Variants in AFG1L observed in about 807,000 individuals in gnomAD.
AFG1L encodes the protein AFG1 like ATPase, also known as AFG1-like ATPase.
In AFG1L, 53 loss-of-function variants were observed where a neutral mutation model predicts 62.2. That is an observed-to-expected ratio of 0.85 (90% confidence interval 0.68 to 1.07). The LOEUF is 1.07. Among genes scored for constraint, AFG1L ranks in the 50% least tolerant of loss-of-function variants. The pLI is 0.00. For missense variants in AFG1L, 555 were observed against 590.5 expected (o/e 0.94, Z 0.62); for synonymous variants, 228 against 210.3 (o/e 1.08, Z -0.73).
At chr6:108,363,156 G>A (rs1227306854) in intron 5 of AFG1L, among the ~76,000 whole-genome samples, 3 of 152,146 alleles carry the variant, frequency 2.0e-5, no homozygotes, top group Admixed American at 6.5e-5. Context: ...GTTTTGGTAA[G>A]CATTCAGATT....
chr6:108,513,988 T>C (rs1774771383), intron 11 of AFG1L, among the ~76,000 whole-genome samples: 1 of 152,212 alleles, frequency 6.6e-6, no homozygotes, highest in Non-Finnish European at 1.5e-5. Flanking sequence ...CCACTGCTGA[T>C]ACCCAGGCAA....
intron 9 of AFG1L, 106 bp downstream of exon 9, chr6:108,477,041 C>T: frequency 9.3e-7 from 1 of 1,078,564 alleles, no homozygotes; most frequent in Non-Finnish European, 1.4e-6. Context: ...TGATGCCACG[C>T]TCAAGTGGCA....
At chr6:108,481,960 A>G (rs1348476602) in intron 10 of AFG1L, among the ~76,000 whole-genome samples, 1 of 152,258 alleles carries the variant, frequency 6.6e-6, no homozygotes, top group Non-Finnish European at 1.5e-5. Flanking sequence ...CATTTCAAGG[A>G]AAACAACTGA....
intron 1 of AFG1L, chr6:108,319,909 T>C: frequency 5.2e-6 from 1 of 191,216 alleles, no homozygotes; most frequent in Non-Finnish European, 1.1e-5. Flanking sequence ...TATAATCCTC[T>C]GAAGTGAGGC....
rs201984573 is a variant in AFG1L, at chr6:108,295,118, C to T, written c.39C>T (p.Pro13=). 44 of 1,611,556 alleles carry T rather than the reference C, an allele frequency of 2.7e-5. No homozygotes were observed. The Admixed American group carries it at 4.2e-4, about 15-fold the overall frequency. The stretch of plus-strand genomic sequence containing the variant: ...GGTCGCTCTTGGTTACCCTGCGCCC[C>T]TTAGCACAGAGCCCGCTGAGAGGGA... ...ASWSLLVTLR[P]LAQSPLRGRC... The change falls in exon 1 of 13, where the codon CCC becomes CCT. Residue 13 remains proline, a synonymous_variant. Transcript: ENST00000368977.
intron 2 of AFG1L, among the ~76,000 whole-genome samples, chr6:108,326,884 C>T (rs1287306152): frequency 2.6e-5 from 4 of 151,890 alleles, no homozygotes; most frequent in African/African-American, 4.8e-5. Context: ...CGCTTGAATC[C>T]AGGAGGCGGA....
intron 5 of AFG1L, among the ~76,000 whole-genome samples, chr6:108,365,179 G>A (rs1290438557): frequency 6.6e-6 from 1 of 152,104 alleles, no homozygotes; most frequent in Non-Finnish European, 1.5e-5. Flanking sequence ...TTTACATTGG[G>A]AGTATCTAAA....
rs549635141 is a variant in AFG1L, at chr6:108,400,500, C to T, written c.749-1496C>T. On this transcript the variant is annotated intron_variant, in intron 6 of 12. Coordinates refer to ENST00000368977, the MANE Select transcript of AFG1L (RefSeq NM_145315.5). ...GAGTTTTAATTTTTAGGCAATTTCA[C>T]TTAAAGTGACTTTTTAAAACCTTGA... 4.8e-5 allele frequency among the ~76,000 whole-genome samples: 7 copies of T among 145,350 alleles called. No homozygotes were observed. The South Asian group carries it at 8.4e-4, about 18-fold the overall frequency.
intron 1 of AFG1L, among the ~76,000 whole-genome samples, chr6:108,303,428 C>A (rs556826974): frequency 6.6e-6 from 1 of 152,274 alleles, no homozygotes; most frequent in African/African-American, 2.4e-5. Context: ...TATCTTCTCT[C>A]CTAAAAGCGT....
rs1775241581 is a variant in AFG1L at position 108,524,307 on chromosome 6, A to C, written c.*1882A>C. 6.6e-6 allele frequency: 1 copy of C among 152,220 alleles called. No homozygotes were observed. Among genetic ancestry groups the C allele is most frequent in the African/African-American group, 2.4e-5 (1 of 41,450 alleles). 9.4% of individuals were successfully genotyped at this position (152,220 alleles called of 1,614,324 possible). On this transcript the variant is annotated 3_prime_UTR_variant, in exon 13 of 13. Transcript: ENST00000368977. ...TTATTCTGTATCTTAATTTTTAAAA[A>C]AATCATGTGAATGGACAGACAGATA...
chr6:108,402,467 T>TAAAA (rs55775052), intron 7 of AFG1L, among the ~76,000 whole-genome samples: 8 of 91,158 alleles, frequency 8.8e-5, no homozygotes, highest in East Asian at 6.5e-4. Context: ...CCGTCTCGAA[T>TAAAA]AAAAAAAAAA....
intron 8 of AFG1L, among the ~76,000 whole-genome samples, chr6:108,462,840 A>T (rs1236844272): frequency 6.6e-6 from 1 of 152,334 alleles, no homozygotes; most frequent in East Asian, 1.9e-4. Flanking sequence ...AATACGGAAG[A>T]GGGTATTTAG....
chr6:108,493,470 C>T (rs961582489), intron 10 of AFG1L, among the ~76,000 whole-genome samples: 1 of 152,146 alleles, frequency 6.6e-6, no homozygotes, highest in Non-Finnish European at 1.5e-5. Flanking sequence ...AGAAGCTAGG[C>T]AAGACTTTCT....
chr6:108,322,911 T>C (rs779891407), intron 1 of AFG1L, among the ~76,000 whole-genome samples: 6 of 152,164 alleles, frequency 3.9e-5, no homozygotes, highest in African/African-American at 7.2e-5. Context: ...GCCACAATCA[T>C]TTCTCTCCCA....
intron 7 of AFG1L, among the ~76,000 whole-genome samples, chr6:108,407,602 A>G (rs1386075755): frequency 6.6e-6 from 1 of 151,928 alleles, no homozygotes; most frequent in Admixed American, 6.6e-5. Context: ...GGAGGCTCAC[A>G]CAAGGCCAGG....
At chr6:108,367,449 A>G (rs188159286) in intron 6 of AFG1L, among the ~76,000 whole-genome samples, 8 of 152,182 alleles carry the variant, frequency 5.3e-5, no homozygotes, top group Non-Finnish European at 8.8e-5. Flanking sequence ...AAGTGGTGAG[A>G]AGAGGGCAGG....
intron 6 of AFG1L, among the ~76,000 whole-genome samples, chr6:108,378,005 C>A (rs2114541228): frequency 6.7e-6 from 1 of 148,618 alleles, no homozygotes; most frequent in African/African-American, 2.5e-5. Flanking sequence ...AAATAATTTA[C>A]TTATTTTACT....
intron 6 of AFG1L, among the ~76,000 whole-genome samples, chr6:108,399,673 CTTT>C (rs1215452077): frequency 5.9e-5 from 5 of 84,852 alleles, no homozygotes; most frequent in Admixed American, 1.1e-4. Flanking sequence ...AATAGTTTTC[CTTT>C]TTTTTTTTTT....
At chr6:108,494,164 C>A (rs1317259520) in intron 10 of AFG1L, among the ~76,000 whole-genome samples, 1 of 152,026 alleles carries the variant, frequency 6.6e-6, no homozygotes, top group Non-Finnish European at 1.5e-5. Context: ...CCAATTGTTT[C>A]CATCCCCGCT....
Sources: allele counts gnomAD v4.1 joint callset (sites outside exome capture counted in the v4.1 genomes callset), GRCh38; gene constraint gnomAD v4.1.1; transcripts MANE v1.5; gene names NCBI Gene and HGNC (gene_info 2026-07-23, HGNC 2026-07-21).